Variants in AGAP1 observed in about 807,000 individuals in gnomAD.
AGAP1 encodes the protein ArfGAP with GTPase domain, ankyrin repeat and PH domain 1.
Under a neutral mutation model 105.3 loss-of-function variants are expected in AGAP1, and 29 were observed. The observed-to-expected ratio is 0.28, with a 90% CI of 0.21 to 0.38. The LOEUF is 0.38. AGAP1 is among the 10% of genes least tolerant of loss of function. The pLI, the probability that AGAP1 is intolerant of heterozygous loss-of-function variation, is 1.00. For synonymous variants in AGAP1, 509 were observed against 485.9 expected, an observed-to-expected ratio of 1.05 and a Z score of -0.63; for missense variants, 998 against 1,165.1, an observed-to-expected ratio of 0.86 and a Z score of 2.09.
chr2:235,653,248 G>A (rs576532139), intron 1 of AGAP1, among the ~76,000 whole-genome samples: 3 of 152,158 alleles, frequency 2.0e-5, no homozygotes, highest in East Asian at 3.9e-4. Flanking sequence ...GGCGGATCAC[G>A]AGGTCAGGAG....
At position 236,104,190 on chromosome 2, in the gene AGAP1, G is replaced by A. The variant is rs554440587; in HGVS notation, c.2115-16002G>A. 1.3e-5 allele frequency among the ~76,000 whole-genome samples: 2 copies of A among 152,314 alleles called. No individual in the cohort carries two copies. The highest frequency in any genetic ancestry group is 6.5e-5 in the Admixed American group (1 of 15,306). On this transcript the variant is annotated intron_variant, in intron 16 of 17. Coordinates refer to ENST00000304032, the MANE Select transcript of AGAP1 (RefSeq NM_001037131.3). This position sits in a 1 kb window ranked among gnomAD's most constrained non-coding sequence, Gnocchi z 4.7. ...GCCTGCAGGAAGAGGCTGAGGGCCC[G>A]CTCCAGCAGCCGGGGCGCTGGTAGG...
At chr2:236,079,782 A>T (rs1271641062) in intron 16 of AGAP1, among the ~76,000 whole-genome samples, 1 of 152,124 alleles carries the variant, frequency 6.6e-6, no homozygotes, top group African/African-American at 2.4e-5. Context: ...ATGCAAAGGT[A>T]TAAAAGAGGA....
chr2:235,531,677 G>A (rs998666681), intron 1 of AGAP1, among the ~76,000 whole-genome samples: 2 of 149,842 alleles, frequency 1.3e-5, no homozygotes, highest in Admixed American at 6.7e-5. Context: ...GCGCGATCTC[G>A]GCTCAATGCA....
intron 13 of AGAP1, among the ~76,000 whole-genome samples, chr2:236,033,427 A>T (rs775337315): frequency 2.6e-5 from 4 of 152,218 alleles, no homozygotes; most frequent in Non-Finnish European, 5.9e-5. Context: ...GCAGAGCCAA[A>T]CTGCGCTTTA....
In AGAP1 at chr2:235,748,812, CTGGTGGAGAAATCCTGT is replaced by C. The variant is rs781087048; in HGVS notation, c.539-1534_539-1518del. 5.3e-4 allele frequency among the ~76,000 whole-genome samples: 81 copies of C among 152,252 alleles called. No homozygotes were observed. The Middle Eastern group carries it at 0.01, about 19-fold the overall frequency. On this transcript the variant is annotated intron_variant, in intron 5 of 17. Transcript: ENST00000304032. ...TATAACTTTGCTGCTATTTCTTTGACTGGTGGAGAAATCCTGTTGGTGGATTTTTGTTTAAAGAGTTG... is the reference window on the plus strand; with the variant it reads ...TATAACTTTGCTGCTATTTCTTTGACTGGTGGATTTTTGTTTAAAGAGTTG...
At chr2:235,807,376 C>T in intron 9 of AGAP1, 45 bp downstream of exon 9, 1 of 1,525,716 alleles carries the variant, frequency 6.6e-7, no homozygotes, top group East Asian at 2.4e-5. Context: ...CGGAGATACA[C>T]CTCAGGTCTT....
intron 16 of AGAP1, among the ~76,000 whole-genome samples, chr2:236,097,458 C>A (rs1375903841): frequency 1.5e-5 from 2 of 131,290 alleles, no homozygotes; most frequent in Non-Finnish European, 3.1e-5. Flanking sequence ...AGTGGCGCGA[C>A]CTTGGCTCAC....
Position 235,753,007 on chromosome 2 carries a change from C to T in AGAP1, c.673+2519C>T, listed in dbSNP as rs974047852. ...GTGGAGAACAGAGGACACAAGCCCT[C>T]GCCAGTCCCTTCCCATAAAGGCACT... On this transcript the variant is annotated intron_variant, in intron 6 of 17. Coordinates refer to ENST00000304032, the MANE Select transcript of AGAP1 (RefSeq NM_001037131.3). This position sits in a 1 kb window ranked among gnomAD's most constrained non-coding sequence, Gnocchi z 4.5. Among the ~76,000 whole-genome samples, 19 of 152,156 alleles carry T rather than the reference C, an allele frequency of 1.2e-4. No individual in the cohort carries two copies. Among genetic ancestry groups the T allele is most frequent in the South Asian group, 2.1e-4 (1 of 4,834 alleles).
At chr2:235,706,213 T>TTTTG (rs572935794) in intron 1 of AGAP1, among the ~76,000 whole-genome samples, 8 of 152,058 alleles carry the variant, frequency 5.3e-5, no homozygotes, top group African/African-American at 1.4e-4. Context: ...TTTTGTTTTG[T>TTTTG]TTTGTTTGTT....
chr2:235,918,103 C>T (rs1287978231), intron 11 of AGAP1, among the ~76,000 whole-genome samples: 4 of 152,210 alleles, frequency 2.6e-5, no homozygotes, highest in African/African-American at 4.8e-5. Context: ...TGCCGGCATG[C>T]GGTGTGGCCA....
chr2:235,971,560 A>G lies in AGAP1; in HGVS notation c.1645+2937A>G, dbSNP rs2054642811. Among the ~76,000 whole-genome samples the G allele has an allele frequency of 6.6e-6, 1 of 151,854 alleles. No individual in the cohort carries two copies. Among genetic ancestry groups the G allele is most frequent in the African/African-American group, 2.4e-5 (1 of 41,392 alleles). On this transcript the variant is annotated intron_variant, in intron 13 of 17. Coordinates refer to ENST00000304032, the MANE Select transcript of AGAP1 (RefSeq NM_001037131.3). The surrounding 1 kb of genome is among the most constrained non-coding windows in gnomAD (Gnocchi z 4.8). ...CTAAAAATACAAAAATTAGCTGGGC[A>G]TGGTGGCAGGTCCCAGCTACTTGGG... is the stretch of plus-strand genomic sequence containing the variant.
chr2:236,025,844 G>T (rs2057032039), intron 13 of AGAP1, among the ~76,000 whole-genome samples: 1 of 148,094 alleles, frequency 6.8e-6, no homozygotes, highest in Non-Finnish European at 1.5e-5. Context: ...AGAGGTTGCA[G>T]TGAGCTGAGA....
intron 13 of AGAP1, among the ~76,000 whole-genome samples, chr2:235,984,221 A>T (rs1181180000): frequency 6.6e-6 from 1 of 152,316 alleles, no homozygotes; most frequent in African/African-American, 2.4e-5. Flanking sequence ...ATGTTGTAGC[A>T]TGTGTCTGTA....
At chr2:236,052,521 A>G (rs2057932939) in intron 16 of AGAP1, among the ~76,000 whole-genome samples, 1 of 152,164 alleles carries the variant, frequency 6.6e-6, no homozygotes, top group Non-Finnish European at 1.5e-5. Flanking sequence ...GGTTCCAGTT[A>G]ATCTCTGCCG....
rs1191495334 is a variant in AGAP1, at chr2:235,556,580, C to T, written c.163+61731C>T. Among the ~76,000 whole-genome samples, 1 of 152,228 alleles carries T rather than the reference C, an allele frequency of 6.6e-6. No individual in the cohort carries two copies. The highest frequency in any genetic ancestry group is 1.5e-5 in the Non-Finnish European group (1 of 68,034). On this transcript the variant is annotated intron_variant, in intron 1 of 17. Coordinates refer to ENST00000304032, the MANE Select transcript of AGAP1 (RefSeq NM_001037131.3). The surrounding 1 kb of genome is among the most constrained non-coding windows in gnomAD (Gnocchi z 5.3). ...GGGGAGGGAAGGCATCAGGAGCCTT[C>T]TGCTGAGTTCAGTGGAAGGTGGTCT...
chr2:235,494,239 G>C lies in AGAP1; in HGVS notation c.-448G>C, dbSNP rs1477077077. 1 of 145,472 alleles carries C rather than the reference G, an allele frequency of 6.9e-6. No homozygotes were observed. The highest frequency in any genetic ancestry group is 1.5e-5 in the Non-Finnish European group (1 of 65,528). 9.0% of individuals were successfully genotyped at this position (145,472 alleles called of 1,614,324 possible). A position where few individuals can be genotyped will look rare whatever the true frequency, so the allele number is the denominator to read the frequency against. ...CCCACGCCACGGCCAGGAGCCCAGAGCAGCGCGGCCACACTGCCCAGGGGT... is the reference window on the plus strand; with the variant it reads ...CCCACGCCACGGCCAGGAGCCCAGACCAGCGCGGCCACACTGCCCAGGGGT... On this transcript the variant is annotated 5_prime_UTR_variant, in exon 1 of 18. Transcript: ENST00000304032.
intron 6 of AGAP1, among the ~76,000 whole-genome samples, chr2:235,757,211 C>T (rs542394156): frequency 1.3e-5 from 2 of 152,316 alleles, no homozygotes; most frequent in South Asian, 4.2e-4. Flanking sequence ...TAACGGTCTC[C>T]AGGGCCAGTT....
intron 3 of AGAP1, among the ~76,000 whole-genome samples, chr2:235,731,768 C>T (rs1951960413): frequency 6.6e-6 from 1 of 152,126 alleles, no homozygotes; most frequent in Non-Finnish European, 1.5e-5. Context: ...ACAGAGGCAC[C>T]AGAGGCCACA....
chr2:235,582,797 C>T lies in AGAP1; in HGVS notation c.163+87948C>T, dbSNP rs1398878676. 1.3e-5 allele frequency among the ~76,000 whole-genome samples: 2 copies of T among 152,198 alleles called. No individual in the cohort carries two copies. Among genetic ancestry groups the T allele is most frequent in the Non-Finnish European group, 1.5e-5 (1 of 68,044 alleles). ...GCACTTGAGTCCCACGTCCTAGCCT[C>T]CCGGCATCACAGCCTTATGCTGCAT... On this transcript the variant is annotated intron_variant, in intron 1 of 17. Coordinates refer to ENST00000304032, the MANE Select transcript of AGAP1 (RefSeq NM_001037131.3). The surrounding 1 kb of genome is among the most constrained non-coding windows in gnomAD (Gnocchi z 4.7).
Sources: gnomAD v4.1 joint callset for allele counts (sites outside exome capture counted in the v4.1 genomes callset) on GRCh38, gnomAD v4.1.1 for gene constraint, Gnocchi (gnomAD v3.1) non-coding constraint, MANE v1.5 for transcripts, NCBI Gene and HGNC (gene_info 2026-07-23, HGNC 2026-07-21) for gene names.